Variants in STIM2 observed in about 807,000 individuals in gnomAD.
STIM2 encodes stromal interaction molecule 2.
Under a neutral mutation model 85.8 loss-of-function variants are expected in STIM2, and 31 were observed. The observed-to-expected ratio is 0.36, with a 90% CI of 0.27 to 0.49. The LOEUF is 0.49. STIM2 is among the 20% of genes least tolerant of loss of function. The probability of loss-of-function intolerance (pLI) is 0.98; values close to 1 mark genes in which losing one functional copy is unlikely to be tolerated. For missense variants in STIM2, 841 were observed against 927.6 expected (o/e 0.91, Z 1.21); for synonymous variants, 356 against 331.1 (o/e 1.08, Z -0.82).
intron 1 of STIM2, among the ~76,000 whole-genome samples, chr4:26,898,534 T>TG (rs1723792519): frequency 6.6e-6 from 1 of 152,182 alleles, no homozygotes; most frequent in Non-Finnish European, 1.5e-5. Flanking sequence ...GTTGCCTAGA[T>TG]CCAATATATT....
intron 2 of STIM2, among the ~76,000 whole-genome samples, chr4:26,933,212 T>C (rs1725266348): frequency 1.3e-5 from 2 of 151,278 alleles, no homozygotes; most frequent in Non-Finnish European, 2.9e-5. Context: ...AAAAAGTTAG[T>C]GTCTGGAATT....
chr4:26,959,626 A>C (rs189148932), intron 3 of STIM2, among the ~76,000 whole-genome samples: 3 of 150,594 alleles, frequency 2.0e-5, no homozygotes, highest in African/African-American at 7.3e-5. Context: ...AATAAAGAGG[A>C]CTCTATTCTT....
intron 11 of STIM2, chr4:27,021,683 A>AG: frequency 2.2e-6 from 1 of 453,452 alleles, no homozygotes; most frequent in South Asian, 1.6e-5. Flanking sequence ...AGTAGCTGGG[A>AG]GGGAAGAATG....
intron 1 of STIM2, among the ~76,000 whole-genome samples, chr4:26,883,325 A>G (rs114366094): frequency 0.024 from 3,703 of 152,112 alleles, 60 homozygotes; most frequent in African/African-American, 0.032. Flanking sequence ...CTTTGCCTCA[A>G]TTTCTCCTTG....
In STIM2 at chr4:26,933,154, C is replaced by T. The variant is rs550503561; in HGVS notation, c.282+13520C>T. 1.4e-4 allele frequency among the ~76,000 whole-genome samples: 21 copies of T among 148,108 alleles called. No individual in the cohort carries two copies. The East Asian group carries it at 3.0e-3, about 21-fold the overall frequency. ...TGCAGAGGGCACGCAAGTCATAGGC[C>T]AGCACTTCTAGTCTGCAGAACTGCT... is the stretch of plus-strand genomic sequence containing the variant. On this transcript the variant is annotated intron_variant, in intron 2 of 11. Coordinates refer to ENST00000467087, the MANE Select transcript of STIM2 (RefSeq NM_020860.4).
chr4:27,025,260 T>A lies in STIM2; in HGVS notation c.*2264T>A, dbSNP rs1729048042. The A allele has an allele frequency of 6.6e-6, 1 of 152,182 alleles. No individual in the cohort carries two copies. The highest frequency in any genetic ancestry group is 2.1e-4 in the South Asian group (1 of 4,836). The allele number at this position is 152,182 out of a possible 1,614,324, so 9.4% of individuals were successfully genotyped here. On this transcript the variant is annotated 3_prime_UTR_variant, in exon 12 of 12. Transcript: ENST00000467087. ...TGGAAAGCTACAGTAATTTCTGTAT[T>A]ACATCATTTATATGTGAAAAGTTGG...
At chr4:27,014,595 CTT>C (rs1441622683) in intron 10 of STIM2, among the ~76,000 whole-genome samples, 3 of 151,312 alleles carry the variant, frequency 2.0e-5, no homozygotes, top group African/African-American at 7.3e-5. Flanking sequence ...TGCCTTGTGA[CTT>C]AGTATTTATT....
intron 2 of STIM2, among the ~76,000 whole-genome samples, chr4:26,946,206 G>A (rs927586330): frequency 2.3e-4 from 35 of 152,160 alleles, no homozygotes; most frequent in Non-Finnish European, 3.4e-4. Flanking sequence ...ATTTCAATAA[G>A]TAATGCTTGA....
At chr4:26,988,005 G>T (rs1727641902) in intron 3 of STIM2, among the ~76,000 whole-genome samples, 1 of 152,178 alleles carries the variant, frequency 6.6e-6, no homozygotes, top group Non-Finnish European at 1.5e-5. Flanking sequence ...TGATCACTTG[G>T]CCTCTCTTGG....
At chr4:26,969,652 G>A (rs994293580) in intron 3 of STIM2, among the ~76,000 whole-genome samples, 1 of 152,162 alleles carries the variant, frequency 6.6e-6, no homozygotes, top group Non-Finnish European at 1.5e-5. Flanking sequence ...ATGCTCAACT[G>A]CATGAATCTG....
intron 3 of STIM2, among the ~76,000 whole-genome samples, chr4:26,960,043 G>A (rs913331394): frequency 6.6e-6 from 1 of 152,104 alleles, no homozygotes; most frequent in African/African-American, 2.4e-5. Flanking sequence ...GTCAGACTCT[G>A]TTTATTAAAG....
chr4:27,011,150 G>T (rs1173660112), intron 10 of STIM2, among the ~76,000 whole-genome samples: 1 of 152,114 alleles, frequency 6.6e-6, no homozygotes, highest in Non-Finnish European at 1.5e-5. Flanking sequence ...TTATGCTAAA[G>T]CCTGTTGTAC....
At chr4:26,901,452 T>C (rs891578988) in intron 1 of STIM2, among the ~76,000 whole-genome samples, 5 of 152,206 alleles carry the variant, frequency 3.3e-5, no homozygotes, top group Non-Finnish European at 7.3e-5. Flanking sequence ...TATAGGCTTG[T>C]GACTTTTTTC....
chr4:27,020,094 A>G (rs1015477923), intron 11 of STIM2, among the ~76,000 whole-genome samples: 5 of 152,226 alleles, frequency 3.3e-5, no homozygotes, highest in Non-Finnish European at 5.9e-5. Flanking sequence ...CAACTGATTA[A>G]TGGTAGGACC....
rs181080479 is a variant in STIM2, at chr4:27,017,321, T to C, written c.1490-390T>C. On this transcript the variant is annotated intron_variant, in intron 10 of 11. Transcript: ENST00000467087. ...AAAGAACTTGTGATATTTCAAGAGA[T>C]ACCATTGCAGCCTACTTTATTCTGT... 1.3e-3 allele frequency among the ~76,000 whole-genome samples: 201 copies of C among 152,364 alleles called. 1 individual carries two copies. Among genetic ancestry groups the C allele is most frequent in the African/African-American group, 4.6e-3 (193 of 41,588 alleles).
chr4:26,875,454 C>T (rs910124539), intron 1 of STIM2, among the ~76,000 whole-genome samples: 43 of 152,026 alleles, frequency 2.8e-4, no homozygotes, highest in African/African-American at 9.7e-4. Flanking sequence ...AGCTGGTAGT[C>T]ATGATAGATT....
At chr4:26,938,641 G>A (rs772956604) in intron 2 of STIM2, among the ~76,000 whole-genome samples, 1 of 152,142 alleles carries the variant, frequency 6.6e-6, no homozygotes, top group Admixed American at 6.6e-5. Context: ...TTGGATTGTC[G>A]TAAGGTAAAG....
chr4:26,947,609 G>C (rs1725881775), intron 2 of STIM2, among the ~76,000 whole-genome samples: 2 of 152,056 alleles, frequency 1.3e-5, no homozygotes, highest in Non-Finnish European at 2.9e-5. Flanking sequence ...AGCCTCACCA[G>C]ATCTCCATTC....
intron 2 of STIM2, among the ~76,000 whole-genome samples, chr4:26,946,757 G>T (rs1725848803): frequency 1.3e-5 from 2 of 152,176 alleles, no homozygotes; most frequent in Admixed American, 1.3e-4. Flanking sequence ...ATATGCAGTT[G>T]GATAATCTGG....
Sources: allele counts gnomAD v4.1 joint callset (sites outside exome capture counted in the v4.1 genomes callset), GRCh38; gene constraint gnomAD v4.1.1; transcripts MANE v1.5; gene names NCBI Gene and HGNC (gene_info 2026-07-23, HGNC 2026-07-21).